The following STRADB variants were observed in gnomAD, a reference collection of about 807,000 sequenced individuals.
STRADB encodes STE20-related kinase adapter protein beta.
In STRADB, 34 loss-of-function variants were observed where a neutral mutation model predicts 52.1. The observed-to-expected ratio is 0.65, with a 90% CI of 0.50 to 0.87. The LOEUF (loss-of-function observed/expected upper bound fraction) is 0.87, where lower values mean the gene tolerates loss of function less well. Among genes scored for constraint, STRADB ranks in the 40% least tolerant of loss-of-function variants. The pLI is 0.00. For synonymous variants in STRADB, 133 were observed against 174.5 expected, an observed-to-expected ratio of 0.76 and a Z score of 1.87; for missense variants, 340 against 483.9, an observed-to-expected ratio of 0.70 and a Z score of 2.79.
At position 201,480,206 on chromosome 2, in the gene STRADB, T is replaced by G; in HGVS notation, c.*31T>G. 6.2e-7 allele frequency: 1 copy of G among 1,602,920 alleles called. No individual in the cohort carries two copies. The highest frequency in any genetic ancestry group is 8.5e-7 in the Non-Finnish European group (1 of 1,174,248). ...CCAAATCATTTTATGTCCTATATAC[T>G]TGACACTTTCTCCTTGCTGCTTTTT... On this transcript the variant is annotated 3_prime_UTR_variant, in exon 12 of 12. Transcript: ENST00000194530.
rs1021067685 is a variant in STRADB, at chr2:201,480,784, T to G, written c.*609T>G. ...GGCTAAAGTAACACTTTCCTACTTA[T>G]GTAAATTATAGATCCTAAATTCACG... is the stretch of plus-strand genomic sequence containing the variant. On this transcript the variant is annotated 3_prime_UTR_variant, in exon 12 of 12. Coordinates refer to ENST00000194530, the MANE Select transcript of STRADB (RefSeq NM_018571.6). The G allele has an allele frequency of 2.0e-6, 2 of 985,718 alleles. No homozygotes were observed. Among genetic ancestry groups the G allele is most frequent in the African/African-American group, 3.5e-5 (2 of 57,260 alleles). The allele number at this position is 985,718 out of a possible 1,614,324, so 61.1% of individuals were successfully genotyped here.
Position 201,470,045 on chromosome 2 carries a change from A to G in STRADB, c.186A>G (p.Val62=). The G allele has an allele frequency of 6.2e-7, 1 of 1,608,860 alleles. No homozygotes were observed. Among genetic ancestry groups the G allele is most frequent in the Non-Finnish European group, 8.5e-7 (1 of 1,175,172 alleles). Residue 62 remains valine (V), a synonymous_variant, in exon 4 of 12, where the codon GTA becomes GTG. Coordinates refer to ENST00000194530, the MANE Select transcript of STRADB (RefSeq NM_018571.6). ...ACGTTTCTCACTATGAGCTCCAAGT[A>G]GAAATAGGTAATAATCCTGAATTTC... ...STNVSHYELQ[V]EIGRGFDNLT...
At chr2:201,476,224 A>C (rs2125682558) in intron 7 of STRADB, among the ~76,000 whole-genome samples, 1 of 152,356 alleles carries the variant, frequency 6.6e-6, no homozygotes, top group East Asian at 1.9e-4. Context: ...GTGTATATGC[A>C]AAAGTGATTG....
intron 3 of STRADB, among the ~76,000 whole-genome samples, chr2:201,467,068 G>T (rs1198017996): frequency 6.6e-6 from 1 of 152,128 alleles, no homozygotes; most frequent in Non-Finnish European, 1.5e-5. Context: ...AGCAAACCTA[G>T]AGTGGAGCCA....
chr2:201,458,742 G>A lies in STRADB; in HGVS notation c.13-42G>A, dbSNP rs762375775. The stretch of plus-strand genomic sequence containing the variant: ...TCTACATACCACCCCTGCTTATCCT[G>A]TAACTTATTTTTCACTTATATAATG... On this transcript the variant is annotated intron_variant, in intron 2 of 11. Coordinates refer to ENST00000194530, the MANE Select transcript of STRADB (RefSeq NM_018571.6). 3.2e-6 allele frequency: 5 copies of A among 1,581,338 alleles called. No individual in the cohort carries two copies. The South Asian group carries it at 5.6e-5, about 18-fold the overall frequency.
chr2:201,471,185 C>T (rs1272891757), intron 4 of STRADB, among the ~76,000 whole-genome samples: 1 of 152,062 alleles, frequency 6.6e-6, no homozygotes, highest in Non-Finnish European at 1.5e-5. Context: ...TCAAATGGTG[C>T]CAATTCTAAA....
At chr2:201,471,055 C>T (rs923839829) in intron 4 of STRADB, among the ~76,000 whole-genome samples, 7 of 152,146 alleles carry the variant, frequency 4.6e-5, no homozygotes, top group East Asian at 1.9e-4. Flanking sequence ...TCCTTCACTC[C>T]GTACTCCAGT....
rs558959984 is a variant in STRADB at position 201,468,767 on chromosome 2, A to G, written c.94-1186A>G. Among the ~76,000 whole-genome samples, 3 of 152,316 alleles carry G rather than the reference A, an allele frequency of 2.0e-5. No individual in the cohort carries two copies. The East Asian group carries it at 5.8e-4, about 29-fold the overall frequency. On this transcript the variant is annotated intron_variant, in intron 3 of 11. Coordinates refer to ENST00000194530, the MANE Select transcript of STRADB (RefSeq NM_018571.6). ...TCTCTAGCCTTCCCGACAGGCTTAC[A>G]GGTTGATATCACTTAAAAAATTTTT... is the stretch of plus-strand genomic sequence containing the variant.
Position 201,479,452 on chromosome 2 carries a change from A to G in STRADB, c.1071-37A>G, listed in dbSNP as rs759572565. On this transcript the variant is annotated intron_variant, in intron 10 of 11. Transcript: ENST00000194530. ...ACACCTGAAATCTACATTCTAATATAAAGGTTTTTTTTTTATAACTTTCTT... is the reference window on the plus strand; with the variant it reads ...ACACCTGAAATCTACATTCTAATATGAAGGTTTTTTTTTTATAACTTTCTT... The G allele has an allele frequency of 8.4e-6, 12 of 1,437,068 alleles. No individual in the cohort carries two copies. The South Asian group carries it at 1.5e-4, about 18-fold the overall frequency. The allele number at this position is 1,437,068 out of a possible 1,614,324, so 89.0% of individuals were successfully genotyped here.
At chr2:201,458,739 C>G (rs752248963) in intron 2 of STRADB, 45 bp from the exon 3 acceptor site, 1 of 1,571,632 alleles carries the variant, frequency 6.4e-7, no homozygotes, top group South Asian at 1.1e-5. Context: ...CCCTGCTTAT[C>G]CTGTAACTTA....
intron 3 of STRADB, among the ~76,000 whole-genome samples, chr2:201,463,348 A>AAT (rs35871029): frequency 6.7e-6 from 1 of 150,270 alleles, no homozygotes; most frequent in Non-Finnish European, 1.5e-5. Flanking sequence ...AAAAAAAAAA[A>AAT]GGTTTTCCTT....
At chr2:201,461,175 TA>T (rs751815021) in intron 3 of STRADB, among the ~76,000 whole-genome samples, 27 of 152,180 alleles carry the variant, frequency 1.8e-4, no homozygotes, top group Non-Finnish European at 3.4e-4. Flanking sequence ...TGTCATCTTT[TA>T]AAAAAAATTA....
intron 3 of STRADB, among the ~76,000 whole-genome samples, chr2:201,466,056 C>T (rs1456901696): frequency 1.3e-5 from 2 of 152,136 alleles, no homozygotes; most frequent in African/African-American, 4.8e-5. Context: ...ATTTTTTATT[C>T]TTACAAAGGT....
chr2:201,452,542 C>A (rs2270315), intron 1 of STRADB, among the ~76,000 whole-genome samples: 100,650 of 152,004 alleles, frequency 0.66, 33,522 homozygotes, highest in South Asian at 0.84. Flanking sequence ...TGCCTGGCAC[C>A]CAGTAGGCGC....
At chr2:201,472,292 A>G (rs1488657648) in intron 4 of STRADB, among the ~76,000 whole-genome samples, 2 of 152,240 alleles carry the variant, frequency 1.3e-5, no homozygotes, top group African/African-American at 4.8e-5. Flanking sequence ...TGTCTACTTA[A>G]AAACCTGTAT....
intron 4 of STRADB, among the ~76,000 whole-genome samples, chr2:201,471,981 T>C (rs1952397526): frequency 6.6e-6 from 1 of 152,162 alleles, no homozygotes; most frequent in African/African-American, 2.4e-5. Context: ...TGAGATTAAC[T>C]TCATTTCAAA....
chr2:201,478,213 G>A, intron 9 of STRADB, 22 bp downstream of exon 9: 1 of 1,603,764 alleles, frequency 6.2e-7, no homozygotes, highest in Non-Finnish European at 8.5e-7. Context: ...TAAAATCCCT[G>A]AGCTACTTGC....
rs962930228 is a variant in STRADB at position 201,475,601 on chromosome 2, T to A, written c.425-18T>A. The A allele has an allele frequency of 1.9e-6, 3 of 1,611,554 alleles. No individual in the cohort carries two copies. Among genetic ancestry groups the A allele is most frequent in the African/African-American group, 2.7e-5 (2 of 74,798 alleles). ...TCACTTTCAATGTTCATCTAAGGATTTTAGGGGTTTCTTTCAGGTTCAGCA... is the reference window on the plus strand; with the variant it reads ...TCACTTTCAATGTTCATCTAAGGATATTAGGGGTTTCTTTCAGGTTCAGCA... On this transcript the variant is annotated intron_variant, in intron 6 of 11. Transcript: ENST00000194530.
rs764555287 is a variant in STRADB, at chr2:201,472,981, G to GTC, written c.221_222dup (p.His75SerfsTer13). ...AAGAGGATTTGACAACTTGACTTCT[G>GTC]TCCATCTTGCACGGCATACTCCCAC... On this transcript the variant is annotated frameshift_variant, in exon 5 of 12. Coordinates refer to ENST00000194530, the MANE Select transcript of STRADB (RefSeq NM_018571.6). LOFTEE classifies it high-confidence loss of function. The GTC allele has an allele frequency of 6.2e-7, 1 of 1,609,648 alleles. No individual in the cohort carries two copies. The highest frequency in any genetic ancestry group is 1.3e-5 in the African/African-American group (1 of 74,530).
Sources: allele counts gnomAD v4.1 joint callset (sites outside exome capture counted in the v4.1 genomes callset), GRCh38; gene constraint gnomAD v4.1.1; transcripts MANE v1.5; gene names NCBI Gene and HGNC (gene_info 2026-07-23, HGNC 2026-07-21).